The following PDE4D variants were observed in gnomAD, a reference collection of about 807,000 sequenced individuals.
PDE4D encodes phosphodiesterase 4D, also known as 3',5'-cyclic-AMP phosphodiesterase 4D.
In PDE4D, 24 loss-of-function variants were observed where a neutral mutation model predicts 87.4. The ratio of observed to expected loss-of-function variants is 0.27; its 90% confidence interval spans 0.20 to 0.39. PDE4D has a LOEUF of 0.39. PDE4D is among the 10% of genes least tolerant of loss of function. The pLI, the probability that PDE4D is intolerant of heterozygous loss-of-function variation, is 1.00. For synonymous variants in PDE4D, 384 were observed against 383.2 expected (o/e 1.00, Z -0.02); for missense variants, 714 against 1,041.0 (o/e 0.69, Z 4.32).
intron 3 of PDE4D, among the ~76,000 whole-genome samples, chr5:59,900,273 C>G (rs1306077579): frequency 7.2e-6 from 1 of 138,868 alleles, no homozygotes; most frequent in East Asian, 2.0e-4. Context: ...TACACACACA[C>G]ACACACACAC....
chr5:60,071,466 G>T (rs1772710343), intron 2 of PDE4D, among the ~76,000 whole-genome samples: 1 of 152,076 alleles, frequency 6.6e-6, no homozygotes, highest in East Asian at 1.9e-4. Flanking sequence ...ATTATTAAAA[G>T]TCTTTTTCAC....
chr5:60,197,082 T>C (rs200980902), intron 1 of PDE4D, among the ~76,000 whole-genome samples: 1,676 of 83,420 alleles, frequency 0.02, 47 homozygotes, highest in African/African-American at 0.055. Flanking sequence ...GACAGTTAGA[T>C]AGATAGATAG....
In PDE4D at chr5:59,608,144, G is replaced by C. The variant is rs58467860; in HGVS notation, c.455+285024C>G. ...GGAACTGTGTTCCCCTTACAGAATTGCATTTCTCCTTTAACACGTTTCAAC... is the reference window on the plus strand; with the variant it reads ...GGAACTGTGTTCCCCTTACAGAATTCCATTTCTCCTTTAACACGTTTCAAC... On this transcript the variant is annotated intron_variant, in intron 1 of 14. Coordinates refer to ENST00000340635, the MANE Select transcript of PDE4D (RefSeq NM_001104631.2). 3.3e-5 allele frequency among the ~76,000 whole-genome samples: 5 copies of C among 152,168 alleles called. No homozygotes were observed. The East Asian group carries it at 9.7e-4, about 29-fold the overall frequency.
chr5:59,270,530 G>T (rs940478664), intron 1 of PDE4D, among the ~76,000 whole-genome samples: 1 of 152,102 alleles, frequency 6.6e-6, no homozygotes, highest in African/African-American at 2.4e-5. Flanking sequence ...TTTATTGTCT[G>T]TTATAAAGAC....
chr5:60,182,132 A>T (rs967702193), intron 2 of PDE4D, among the ~76,000 whole-genome samples: 1 of 152,242 alleles, frequency 6.6e-6, no homozygotes, highest in Non-Finnish European at 1.5e-5. Context: ...TTAAGAAAGA[A>T]CAATATAAAA....
intron 5 of PDE4D, chr5:59,166,318 G>C (rs1029374789): frequency 1.3e-5 from 2 of 152,190 alleles, no homozygotes; most frequent in African/African-American, 4.8e-5. Context: ...CCTTTCTGTG[G>C]AAATGATGAA....
intron 2 of PDE4D, among the ~76,000 whole-genome samples, chr5:60,021,049 C>A (rs772028100): frequency 2.0e-5 from 3 of 152,108 alleles, no homozygotes; most frequent in Non-Finnish European, 2.9e-5. Context: ...TTTTTAATAG[C>A]CAGCTATTTG....
chr5:60,060,347 T>A (rs1771258315), intron 2 of PDE4D, among the ~76,000 whole-genome samples: 1 of 152,020 alleles, frequency 6.6e-6, no homozygotes, highest in Non-Finnish European at 1.5e-5. Flanking sequence ...AAAGCCAACA[T>A]TTTGGTTATA....
At chr5:60,159,793 C>A (rs1202524449) in intron 2 of PDE4D, among the ~76,000 whole-genome samples, 1 of 152,194 alleles carries the variant, frequency 6.6e-6, no homozygotes, top group Non-Finnish European at 1.5e-5. Context: ...CTTGCATTGA[C>A]TTCTTAGAAA....
chr5:59,281,621 T>C (rs153948), intron 1 of PDE4D, among the ~76,000 whole-genome samples: 83,634 of 151,922 alleles, frequency 0.55, 24,397 homozygotes, highest in East Asian at 0.74. Flanking sequence ...GTGTAATGTA[T>C]ATTCCCCCTG....
intron 1 of PDE4D, among the ~76,000 whole-genome samples, chr5:60,257,119 G>A (rs1220226459): frequency 6.6e-6 from 1 of 150,914 alleles, no homozygotes; most frequent in African/African-American, 2.4e-5. Context: ...ACACAGAAAA[G>A]ATGGCCAAAA....
intron 1 of PDE4D, among the ~76,000 whole-genome samples, chr5:60,494,523 T>C (rs1024115708): frequency 6.6e-6 from 1 of 152,194 alleles, no homozygotes; most frequent in Non-Finnish European, 1.5e-5. Context: ...CTCGGAACTG[T>C]GACATAGGTC....
chr5:59,413,083 C>T (rs1464304124), intron 1 of PDE4D, among the ~76,000 whole-genome samples: 3 of 152,196 alleles, frequency 2.0e-5, no homozygotes, highest in African/African-American at 7.2e-5. Flanking sequence ...TGCTATTAGA[C>T]TCTTCCTGCC....
intron 1 of PDE4D, among the ~76,000 whole-genome samples, chr5:60,450,050 T>TA (rs58034946): frequency 0.17 from 22,611 of 135,958 alleles, 2,550 homozygotes; most frequent in African/African-American, 0.33. Context: ...TTTTTTTCAG[T>TA]AAAAAAAAAA....
At chr5:59,967,414 T>C (rs2152814884) in intron 3 of PDE4D, among the ~76,000 whole-genome samples, 1 of 152,000 alleles carries the variant, frequency 6.6e-6, no homozygotes, top group Non-Finnish European at 1.5e-5. Context: ...AACAAATCAA[T>C]AAGCAAAAAA....
intron 2 of PDE4D, among the ~76,000 whole-genome samples, chr5:60,130,466 T>C (rs913237627): frequency 5.3e-5 from 8 of 152,122 alleles, no homozygotes; most frequent in Non-Finnish European, 7.4e-5. Flanking sequence ...TCTTTGTAGA[T>C]GAGAGTGATA....
intron 1 of PDE4D, among the ~76,000 whole-genome samples, chr5:60,187,817 G>C (rs1009060187): frequency 5.3e-5 from 8 of 152,134 alleles, no homozygotes; most frequent in Non-Finnish European, 1.2e-4. Context: ...AATAGGTATA[G>C]GTTGGAATTT....
At chr5:59,771,805 G>A (rs138791663) in intron 1 of PDE4D, among the ~76,000 whole-genome samples, 46 of 152,248 alleles carry the variant, frequency 3.0e-4, no homozygotes, top group African/African-American at 1.1e-3. Flanking sequence ...GGTTAAACAT[G>A]GACAAAAGCA....
chr5:59,689,952 G>A (rs1750620730), intron 1 of PDE4D, among the ~76,000 whole-genome samples: 1 of 152,084 alleles, frequency 6.6e-6, no homozygotes. Context: ...AATCCGAAGT[G>A]AACTCCAATT....
Sources: allele counts gnomAD v4.1 joint callset (sites outside exome capture counted in the v4.1 genomes callset), GRCh38; gene constraint gnomAD v4.1.1; transcripts MANE v1.5; gene names NCBI Gene and HGNC (gene_info 2026-07-23, HGNC 2026-07-21).